Variants in CPS1 observed in about 807,000 individuals in gnomAD.
CPS1 encodes carbamoyl-phosphate synthase [ammonia], mitochondrial.
CPS1 carries 109 observed loss-of-function variants against 174.6 expected under a neutral mutation model. The ratio of observed to expected loss-of-function variants is 0.62; its 90% CI spans 0.53 to 0.73. The LOEUF is 0.73. CPS1 is among the 30% of genes least tolerant of loss of function. The pLI is 0.00. For synonymous variants in CPS1, 637 were observed against 632.0 expected (o/e 1.01, Z -0.12); for missense variants, 1,689 against 1,821.9 (o/e 0.93, Z 1.33).
chr2:210,586,238 A>G (rs1698103023), intron 6 of CPS1, among the ~76,000 whole-genome samples: 1 of 151,990 alleles, frequency 6.6e-6, no homozygotes, highest in African/African-American at 2.4e-5. Context: ...GCTGAAGCCT[A>G]AGAAGTATGT....
rs182678639 is a variant in CPS1, at chr2:210,573,405, A to G, written c.234A>G (p.Gly78=). ...AAGTGGTTTTTAATACTGGCCTGGG[A>G]GGGTGAGTAATGCTTTTCCAAGGCT... ...AGEVVFNTGL[G]GYPEAITDPA... Residue 78 remains glycine, a splice_region_variant and synonymous_variant, in exon 2 of 38, where the codon GGA becomes GGG. Coordinates refer to ENST00000233072, the MANE Select transcript of CPS1 (RefSeq NM_001875.5). The G allele has an allele frequency of 2.9e-5, 46 of 1,605,464 alleles. No individual in the cohort carries two copies. The African/African-American group carries it at 3.9e-4, about 14-fold the overall frequency.
chr2:210,583,884 C>T (rs754334492), intron 6 of CPS1, among the ~76,000 whole-genome samples: 7 of 152,150 alleles, frequency 4.6e-5, no homozygotes, highest in South Asian at 2.1e-4. Context: ...ACAAAACTCA[C>T]GAGAGCCTGA....
In CPS1 at chr2:210,599,578, T is replaced by C; in HGVS notation, c.1549+17T>C. On this transcript the variant is annotated intron_variant, in intron 14 of 37. Coordinates refer to ENST00000233072, the MANE Select transcript of CPS1 (RefSeq NM_001875.5). Reference sequence around the variant, plus strand: ...TGAACTGTGGTGAGTTCTTATAAGCTTAATTGCAGAGTTTTGACATATGCA... The same window carrying C: ...TGAACTGTGGTGAGTTCTTATAAGCCTAATTGCAGAGTTTTGACATATGCA... The C allele has an allele frequency of 6.2e-7, 1 of 1,611,232 alleles. No individual in the cohort carries two copies. The highest frequency in any genetic ancestry group is 8.5e-7 in the Non-Finnish European group (1 of 1,177,932).
At chr2:210,486,935 C>T (rs1694746009) in intron 1 of CPS1, among the ~76,000 whole-genome samples, 2 of 152,022 alleles carry the variant, frequency 1.3e-5, no homozygotes, top group South Asian at 4.1e-4. Flanking sequence ...CCAATTTCTA[C>T]CTTGAGTTTG....
chr2:210,570,747 C>CA (rs199524888), intron 1 of CPS1, among the ~76,000 whole-genome samples: 8 of 133,602 alleles, frequency 6.0e-5, no homozygotes, highest in African/African-American at 7.6e-5. Context: ...TCCTCAAGAA[C>CA]AAAAAAAACA....
intron 21 of CPS1, among the ~76,000 whole-genome samples, chr2:210,634,801 G>T (rs1304164583): frequency 6.6e-6 from 1 of 152,140 alleles, no homozygotes; most frequent in Non-Finnish European, 1.5e-5. Flanking sequence ...AAGCAGTAAT[G>T]ACAATGAATG....
At chr2:210,478,240 C>T (rs535014368) in intron 1 of CPS1, among the ~76,000 whole-genome samples, 123 of 152,304 alleles carry the variant, frequency 8.1e-4, no homozygotes, top group Non-Finnish European at 1.6e-3. Flanking sequence ...GTATTCACTC[C>T]AACATATCAA....
chr2:210,651,025 C>A (rs2105911722), intron 28 of CPS1, among the ~76,000 whole-genome samples: 1 of 152,278 alleles, frequency 6.6e-6, no homozygotes, highest in Admixed American at 6.5e-5. Flanking sequence ...CCAGCCTTTA[C>A]CTTCTCCTTC....
intron 28 of CPS1, among the ~76,000 whole-genome samples, chr2:210,652,064 A>C (rs1171671064): frequency 6.6e-6 from 1 of 152,140 alleles, no homozygotes; most frequent in Non-Finnish European, 1.5e-5. Flanking sequence ...GGGACTTTTA[A>C]ATTGATACCT....
chr2:210,540,090 A>G (rs935192620), intron 1 of CPS1, among the ~76,000 whole-genome samples: 4 of 152,218 alleles, frequency 2.6e-5, no homozygotes, highest in African/African-American at 9.6e-5. Context: ...TGAAAAATTC[A>G]TATAATCTGA....
chr2:210,591,250 C>A (rs1698286828), intron 9 of CPS1, among the ~76,000 whole-genome samples: 1 of 151,882 alleles, frequency 6.6e-6, no homozygotes, highest in Non-Finnish European at 1.5e-5. Flanking sequence ...AAATGATATT[C>A]CAAGGGAAAT....
At chr2:210,553,709 T>C (rs1303801894), upstream of CPS1, among the ~76,000 whole-genome samples, 2 of 152,018 alleles carry the variant, frequency 1.3e-5, no homozygotes, top group Non-Finnish European at 2.9e-5. Context: ...TAAAATGTTT[T>C]GAAAAATAAT....
At chr2:210,533,886 G>C (rs910206040) in intron 1 of CPS1, among the ~76,000 whole-genome samples, 1 of 152,124 alleles carries the variant, frequency 6.6e-6, no homozygotes, top group African/African-American at 2.4e-5. Context: ...AGAGTAATCA[G>C]AAATTATCTT....
At chr2:210,627,628 C>T (rs16844683) in intron 21 of CPS1, among the ~76,000 whole-genome samples, 5,170 of 152,188 alleles carry the variant, frequency 0.034, 309 homozygotes, top group African/African-American at 0.12. Context: ...GACCATGCCT[C>T]CTAACAGTGG....
At chr2:210,647,432 T>C (rs906762865) in intron 25 of CPS1, among the ~76,000 whole-genome samples, 5 of 152,072 alleles carry the variant, frequency 3.3e-5, no homozygotes, top group Admixed American at 2.0e-4. Context: ...GTAGGAGCAA[T>C]TTGATGAAGC....
At position 210,679,068 on chromosome 2, in the gene CPS1, C is replaced by G. The variant is rs1382625724; in HGVS notation, c.*1083C>G. 2 of 152,112 alleles carry G rather than the reference C, an allele frequency of 1.3e-5. No homozygotes were observed. The highest frequency in any genetic ancestry group is 1.3e-4 in the Admixed American group (2 of 15,266). The allele number at this position is 152,112 out of a possible 1,614,324, so 9.4% of individuals were successfully genotyped here. A position where few individuals can be genotyped will look rare whatever the true frequency, so the allele number is the denominator to read the frequency against. ...AATATTTTCTGTTATTACAAGTGCTCTAATTGTGAACTTTTAAATAAAATA... is the reference window on the plus strand; with the variant it reads ...AATATTTTCTGTTATTACAAGTGCTGTAATTGTGAACTTTTAAATAAAATA... On this transcript the variant is annotated 3_prime_UTR_variant, in exon 38 of 38. Coordinates refer to ENST00000233072, the MANE Select transcript of CPS1 (RefSeq NM_001875.5).
At chr2:210,594,115 G>A (rs551887825) in intron 11 of CPS1, among the ~76,000 whole-genome samples, 18 of 151,636 alleles carry the variant, frequency 1.2e-4, no homozygotes, top group Non-Finnish European at 2.4e-4. Context: ...TTTTAGAGCC[G>A]ATAGAAATTT....
chr2:210,479,293 A>C (rs1433351149), intron 1 of CPS1, among the ~76,000 whole-genome samples: 1 of 148,624 alleles, frequency 6.7e-6, no homozygotes, highest in African/African-American at 2.5e-5. Flanking sequence ...ACACCATCAT[A>C]GTGGATTATG....
In CPS1 at chr2:210,590,927, C is replaced by T. The variant is rs527950704; in HGVS notation, c.947+21C>T. ...AACAGGTGAGGTATTTTCACTTTTG[C>T]TTACAGTAAACCAGCTCTGACATAC... On this transcript the variant is annotated intron_variant, in intron 9 of 37. Coordinates refer to ENST00000233072, the MANE Select transcript of CPS1 (RefSeq NM_001875.5). The T allele has an allele frequency of 7.5e-6, 12 of 1,591,994 alleles. No homozygotes were observed. In the South Asian group the frequency reaches 1.2e-4, roughly 16 times the overall value.
Sources: allele counts gnomAD v4.1 joint callset (sites outside exome capture counted in the v4.1 genomes callset), GRCh38; gene constraint gnomAD v4.1.1; transcripts MANE v1.5; gene names NCBI Gene and HGNC (gene_info 2026-07-23, HGNC 2026-07-21).